The following ZNF674 variants were observed in gnomAD, a reference collection of about 807,000 sequenced individuals.
ZNF674 encodes zinc finger protein 674.
In ZNF674, 2 loss-of-function variants were observed where a neutral mutation model predicts 7.0. That is an observed-to-expected ratio of 0.29 (90% CI 0.12 to 0.90). The LOEUF is 0.90. Ranked by LOEUF, ZNF674 falls within the 40% of genes least tolerant of loss-of-function variation. ZNF674 has a pLI of 0.57. For synonymous variants in ZNF674, 103 were observed against 145.2 expected (o/e 0.71, Z 2.09); for missense variants, 297 against 415.5 (o/e 0.71, Z 2.48).
At chrX:46,523,096 C>A in intron 5 of ZNF674, 1 of 249,152 alleles carries the variant, frequency 4.0e-6, no homozygotes, top group Non-Finnish European at 7.5e-6. Flanking sequence ...CTTCTGTATG[C>A]AAGATATAGT....
At chrX:46,532,080 G>A (rs190003409) in intron 3 of ZNF674, among the ~76,000 whole-genome samples, 68 of 111,335 alleles carry the variant, frequency 6.1e-4, no homozygotes, top group African/African-American at 2.1e-3. Context: ...CAGGGGAATC[G>A]CTTGAAACCA....
chrX:46,535,147 T>C (rs1218297548), intron 3 of ZNF674, among the ~76,000 whole-genome samples: 2 of 111,082 alleles, frequency 1.8e-5, no homozygotes, highest in Non-Finnish European at 3.8e-5. Flanking sequence ...AGAATGAATT[T>C]TTTTTCTTTT....
At chrX:46,525,814 T>C (rs1346361342) in intron 5 of ZNF674, among the ~76,000 whole-genome samples, 1 of 111,666 alleles carries the variant, frequency 9.0e-6, no homozygotes, top group Non-Finnish European at 1.9e-5. Flanking sequence ...ACAAGATCAA[T>C]ATACAAAAAT....
At chrX:46,526,521 TC>T (rs1942012990) in intron 5 of ZNF674, among the ~76,000 whole-genome samples, 1 of 110,902 alleles carries the variant, frequency 9.0e-6, no homozygotes, top group Non-Finnish European at 1.9e-5. Flanking sequence ...CAACTGATCC[TC>T]CCACCTCAGC....
At chrX:46,533,970 A>G (rs764530967) in intron 3 of ZNF674, among the ~76,000 whole-genome samples, 1 of 106,883 alleles carries the variant, frequency 9.4e-6, no homozygotes, top group East Asian at 2.9e-4. Flanking sequence ...TTTATAAAGG[A>G]AAGAGGTTTA....
At chrX:46,513,890 A>C (rs2146596891) in intron 5 of ZNF674, among the ~76,000 whole-genome samples, 1 of 110,282 alleles carries the variant, frequency 9.1e-6, no homozygotes, top group South Asian at 3.9e-4. Context: ...ATATGGCAAA[A>C]CCCTGTCTCT....
chrX:46,526,451 T>A (rs758305194), intron 5 of ZNF674, among the ~76,000 whole-genome samples: 1 of 110,639 alleles, frequency 9.0e-6, no homozygotes, highest in East Asian at 2.8e-4. Context: ...GCAAATTTTT[T>A]AAATATTTTA....
At chrX:46,543,005 C>T (rs1012502342) in intron 2 of ZNF674, among the ~76,000 whole-genome samples, 3 of 110,579 alleles carry the variant, frequency 2.7e-5, no homozygotes, top group Non-Finnish European at 5.7e-5. Flanking sequence ...GGCTGGAGTG[C>T]AGTGGCATGA....
At position 46,506,779 on chromosome X, in the gene ZNF674, G is replaced by A. The variant is rs745338320; in HGVS notation, c.239-5444C>T. Among the ~76,000 whole-genome samples, 6 of 111,543 alleles carry A rather than the reference G, an allele frequency of 5.4e-5. No individual in the cohort carries two copies. The East Asian group carries it at 1.7e-3, about 32-fold the overall frequency. ...TCTTACGAAAGTACTTGAAGACTGT[G>A]CTCCAACCAATGAGGAAGGGGGCAT... is the stretch of plus-strand genomic sequence containing the variant. On this transcript the variant is annotated intron_variant, in intron 5 of 5. Transcript: ENST00000683375.
chrX:46,504,580 C>A (rs1243121650), intron 5 of ZNF674, among the ~76,000 whole-genome samples: 1 of 111,021 alleles, frequency 9.0e-6, no homozygotes, highest in Non-Finnish European at 1.9e-5. Flanking sequence ...TGACCTCATG[C>A]GATCCACCCG....
intron 5 of ZNF674, among the ~76,000 whole-genome samples, chrX:46,504,010 GCCTGGGTGACAAAGTAAGAC>G (rs1315303420): frequency 3.6e-5 from 4 of 110,291 alleles, no homozygotes; most frequent in Non-Finnish European, 7.6e-5. Context: ...CTACACTCTA[GCCTGGGTGACAAAGTAAGAC>G]CCTGTCTCAA....
intron 5 of ZNF674, among the ~76,000 whole-genome samples, chrX:46,522,454 C>T (rs1369654854): frequency 4.5e-5 from 5 of 111,168 alleles, no homozygotes; most frequent in Non-Finnish European, 7.5e-5. Flanking sequence ...TGCTTGAGGC[C>T]AAGAGTTCAA....
At chrX:46,528,602 G>T (rs1437859326) in intron 4 of ZNF674, among the ~76,000 whole-genome samples, 157 bp from the exon 5 acceptor site, 1 of 111,434 alleles carries the variant, frequency 9.0e-6, no homozygotes, top group Non-Finnish European at 1.9e-5. Flanking sequence ...AGCAAGCAAG[G>T]GCACCAATAT....
chrX:46,528,048 G>T, intron 5 of ZNF674: 1 of 404,646 alleles, frequency 2.5e-6, no homozygotes. Context: ...GACAGGGTGA[G>T]AGGAATGAGA....
intron 5 of ZNF674, among the ~76,000 whole-genome samples, chrX:46,502,636 G>A (rs778783659): frequency 8.9e-6 from 1 of 111,949 alleles, no homozygotes; most frequent in South Asian, 3.7e-4. Context: ...AAATCACTTA[G>A]TCTCTAATAG....
Position 46,512,147 on chromosome X carries a change from G to A in ZNF674, c.239-10812C>T, listed in dbSNP as rs1423775228. Among the ~76,000 whole-genome samples the A allele has an allele frequency of 5.4e-5, 6 of 111,762 alleles. No homozygotes were observed. In the East Asian group the frequency reaches 1.7e-3, roughly 31 times the overall value. On this transcript the variant is annotated intron_variant, in intron 5 of 5. Transcript: ENST00000683375. ...AGGCCGAGGCGGGAGGATCACCTGAGGTTAGGTGTTTGAGACCAGCCTGGC... is the reference window on the plus strand; with the variant it reads ...AGGCCGAGGCGGGAGGATCACCTGAAGTTAGGTGTTTGAGACCAGCCTGGC...
rs973306726 is a variant in ZNF674 at position 46,514,523 on chromosome X, G to A, written c.239-13188C>T. Among the ~76,000 whole-genome samples, 3 of 111,274 alleles carry A rather than the reference G, an allele frequency of 2.7e-5. No homozygotes were observed. The Admixed American group carries it at 2.9e-4, about 11-fold the overall frequency. ...AGACTGAAGGTACACCATGGGGCCC[G>A]GGGATATATTAAATAACTGGTTGGG... On this transcript the variant is annotated intron_variant, in intron 5 of 5. Transcript: ENST00000683375.
chrX:46,512,222 C>T (rs1351335995), intron 5 of ZNF674, among the ~76,000 whole-genome samples: 1 of 108,241 alleles, frequency 9.2e-6, no homozygotes, highest in African/African-American at 3.4e-5. Context: ...ATTAGCCGGC[C>T]GTGGTGGCAC....
intron 5 of ZNF674, among the ~76,000 whole-genome samples, chrX:46,502,908 T>C (rs1390826790): frequency 8.9e-6 from 1 of 112,482 alleles, no homozygotes; most frequent in Non-Finnish European, 1.9e-5. Context: ...CTGAGTTCCA[T>C]GAATTTCTCT....
Sources: allele counts gnomAD v4.1 joint callset (sites outside exome capture counted in the v4.1 genomes callset), GRCh38; gene constraint gnomAD v4.1.1; transcripts MANE v1.5; gene names NCBI Gene and HGNC (gene_info 2026-07-23, HGNC 2026-07-21).